ZNF717: variants seen among roughly 807,000 people sequenced by gnomAD.
The protein encoded by ZNF717 is zinc finger protein 717.
Under a neutral mutation model 13.8 loss-of-function variants are expected in ZNF717, and 9 were observed. That is an observed-to-expected ratio of 0.65 (90% CI 0.39 to 1.14). The LOEUF (loss-of-function observed/expected upper bound fraction) is 1.14, where lower values mean the gene tolerates loss of function less well. ZNF717 is among the 50% of genes most tolerant of loss of function. The pLI is 0.01. For synonymous variants in ZNF717, 327 were observed against 364.1 expected (o/e 0.90, Z 1.16); for missense variants, 1,040 against 1,080.7 (o/e 0.96, Z 0.53).
At chr3:75,704,236 C>A (rs1479585526) in intron 6 of ZNF717, among the ~76,000 whole-genome samples, 8 of 152,346 alleles carry the variant, frequency 5.3e-5, no homozygotes, top group Admixed American at 1.3e-4. Context: ...TTCTAATAAA[C>A]TTGCTTCTTT....
intron 2 of ZNF717, among the ~76,000 whole-genome samples, chr3:75,782,796 T>C (rs1391917566): frequency 6.6e-6 from 1 of 152,182 alleles, no homozygotes; most frequent in Non-Finnish European, 1.5e-5. Context: ...CACCGTGCTT[T>C]AGCGGCAGAT....
intron 2 of ZNF717, among the ~76,000 whole-genome samples, chr3:75,746,501 G>A (rs1360278710): frequency 1.3e-5 from 2 of 152,154 alleles, no homozygotes; most frequent in African/African-American, 4.8e-5. Flanking sequence ...CCCACTAACA[G>A]TGTAAAAGTG....
rs1300599338 is a variant in ZNF717 at position 75,713,403 on chromosome 3, G to A, written n.668-2087C>T. Among the ~76,000 whole-genome samples, 9 of 152,028 alleles carry A rather than the reference G, an allele frequency of 5.9e-5. No homozygotes were observed. The South Asian group carries it at 8.3e-4, about 14-fold the overall frequency. On this transcript the variant is annotated intron_variant and non_coding_transcript_variant, in intron 5 of 5. Transcript: ENST00000491507. ...TGGGCTCAAGCGATCCACCCACATC[G>A]GCCTCACGAAGTGCTGGGATCACAG... is the stretch of plus-strand genomic sequence containing the variant.
chr3:75,734,098 C>T (rs796116672), downstream of ZNF717, among the ~76,000 whole-genome samples: 1 of 151,932 alleles, frequency 6.6e-6, no homozygotes, highest in South Asian at 2.1e-4. Context: ...GAGACAGAGT[C>T]TCTCTCTGTT....
intron 2 of ZNF717, among the ~76,000 whole-genome samples, chr3:75,749,349 G>A (rs1321609859): frequency 6.6e-6 from 1 of 151,426 alleles, no homozygotes; most frequent in Non-Finnish European, 1.5e-5. Flanking sequence ...GGTTCCAAGT[G>A]TCTGTCCTTC....
At chr3:75,777,337 C>T (rs1944402962) in intron 2 of ZNF717, among the ~76,000 whole-genome samples, 1 of 149,168 alleles carries the variant, frequency 6.7e-6, no homozygotes, top group Non-Finnish European at 1.5e-5. Flanking sequence ...CGTGCTAAAA[C>T]CAGAAACCAA....
intron 2 of ZNF717, among the ~76,000 whole-genome samples, chr3:75,756,672 T>C (rs1575872952): frequency 6.6e-6 from 1 of 150,472 alleles, no homozygotes; most frequent in Non-Finnish European, 1.5e-5. Context: ...TCCTTTTTCT[T>C]TTTTTTTTTC....
intron 2 of ZNF717, among the ~76,000 whole-genome samples, chr3:75,750,186 A>G (rs1575825157): frequency 1.3e-5 from 2 of 151,836 alleles, no homozygotes; most frequent in Non-Finnish European, 2.9e-5. Context: ...ATAGGATTGC[A>G]GAACACTCCT....
At chr3:75,774,200 A>AAAGAAAGAAAGAAAG in intron 2 of ZNF717, among the ~76,000 whole-genome samples, 1 of 144,350 alleles carries the variant, frequency 6.9e-6, no homozygotes, top group Non-Finnish European at 1.5e-5. Flanking sequence ...AAAAAAAAAA[A>AAAGAAAGAAAGAAAG]AAAGGAAAAA....
At chr3:75,699,345 G>A (rs1479409478) in intron 6 of ZNF717, among the ~76,000 whole-genome samples, 2 of 152,416 alleles carry the variant, frequency 1.3e-5, no homozygotes, top group South Asian at 4.1e-4. Flanking sequence ...CAATGGCCAG[G>A]GGCAAAATGA....
rs71101852 is a variant in ZNF717, at chr3:75,764,990, GATATATATAT to G, written c.57+18306_57+18315del. On this transcript the variant is annotated intron_variant, in intron 2 of 4. Coordinates refer to ENST00000652011, the MANE Select transcript of ZNF717 (RefSeq NM_001290208.3). ...CCAGGAATGGACGGATAAACAAAAG[GATATATATAT>G]ATATATATATATATATATATATATA... Among the ~76,000 whole-genome samples, 352 of 102,348 alleles carry G rather than the reference GATATATATAT, an allele frequency of 3.4e-3. 5 individuals are homozygous for G. Among genetic ancestry groups the G allele is most frequent in the African/African-American group, 0.012 (260 of 22,494 alleles). 67.1% of individuals were successfully genotyped at this position (102,348 alleles called of 152,430 possible). A position where few individuals can be genotyped will look rare whatever the true frequency, so the allele number is the denominator to read the frequency against.
intron 6 of ZNF717, among the ~76,000 whole-genome samples, chr3:75,704,444 G>A (rs1270486484): frequency 1.3e-5 from 2 of 151,872 alleles, no homozygotes; most frequent in African/African-American, 2.4e-5. Context: ...TTTTAGAGTC[G>A]TGAAGCCATT....
intron 2 of ZNF717, among the ~76,000 whole-genome samples, chr3:75,757,466 T>G (rs1315427828): frequency 1.3e-5 from 2 of 152,212 alleles, no homozygotes; most frequent in African/African-American, 4.8e-5. Context: ...ACTAAATATC[T>G]TAAGCCCACT....
At chr3:75,759,278 A>AT (rs57052931) in intron 2 of ZNF717, among the ~76,000 whole-genome samples, 28,618 of 122,266 alleles carry the variant, frequency 0.23, 2,653 homozygotes, top group African/African-American at 0.27. Flanking sequence ...TGGTCATCTA[A>AT]TTTTTTTTTT....
At chr3:75,705,515 C>A (rs9828501), downstream of ZNF717, among the ~76,000 whole-genome samples, 147,812 of 152,376 alleles carry the variant, frequency 0.97, 71,624 homozygotes, top group East Asian at 1. Context: ...CCATAAGAAC[C>A]CAGTCAGACT....
At chr3:75,711,127 T>C (rs1294814580) in exon 6 of ZNF717, 7 of 152,216 alleles carry the variant, frequency 4.6e-5, no homozygotes, top group African/African-American at 1.4e-4. Context: ...AGGTTTTCAA[T>C]GGTATTCTGT....
chr3:75,731,835 G>T (rs1344713373), downstream of ZNF717, among the ~76,000 whole-genome samples: 4 of 152,354 alleles, frequency 2.6e-5, no homozygotes, highest in Non-Finnish European at 4.4e-5. Flanking sequence ...GAGGACATAG[G>T]GCAAACCACT....
intron 5 of ZNF717, among the ~76,000 whole-genome samples, chr3:75,715,407 A>G (rs1250785966): frequency 6.6e-6 from 1 of 152,064 alleles, no homozygotes; most frequent in Non-Finnish European, 1.5e-5. Flanking sequence ...TGGCAGAAAT[A>G]GCAAAATTTT....
At chr3:75,761,613 AT>A (rs1325121149) in intron 2 of ZNF717, among the ~76,000 whole-genome samples, 1 of 152,290 alleles carries the variant, frequency 6.6e-6, no homozygotes, top group Non-Finnish European at 1.5e-5. Context: ...ACAGGATGTA[AT>A]GTGTAAAAAT....
Sources: gnomAD v4.1 joint callset for allele counts (sites outside exome capture counted in the v4.1 genomes callset) on GRCh38, gnomAD v4.1.1 for gene constraint, MANE v1.5 for transcripts, NCBI Gene and HGNC (gene_info 2026-07-23, HGNC 2026-07-21) for gene names.